Variants in SH3D19 observed in about 807,000 individuals in gnomAD.
SH3D19 encodes the protein SH3 domain containing 19.
A neutral mutation model predicts 112.1 loss-of-function variants in SH3D19; 58 were observed. The ratio of observed to expected loss-of-function variants is 0.52; its 90% CI spans 0.42 to 0.64. SH3D19 has a LOEUF of 0.64. Among genes scored for constraint, SH3D19 ranks in the 30% least tolerant of loss-of-function variants. SH3D19 has a pLI of 0.00. For synonymous variants in SH3D19, 391 were observed against 448.5 expected (o/e 0.87, Z 1.62); for missense variants, 1,090 against 1,263.4 (o/e 0.86, Z 2.08).
At chr4:151,205,754 T>C (rs1765012081) in intron 2 of SH3D19, among the ~76,000 whole-genome samples, 1 of 152,244 alleles carries the variant, frequency 6.6e-6, no homozygotes. Flanking sequence ...CTAATTGACC[T>C]ACACTAATGG....
intron 19 of SH3D19, among the ~76,000 whole-genome samples, chr4:151,125,504 A>AAG (rs1749048436): frequency 6.6e-6 from 1 of 151,114 alleles, no homozygotes; most frequent in Non-Finnish European, 1.5e-5. Context: ...AAAAAAAAAA[A>AAG]AAAGAAAGAA....
In SH3D19 at chr4:151,241,921, C is replaced by G. The variant is rs544063568; in HGVS notation, c.113-15835G>C. On this transcript the variant is annotated intron_variant, in intron 1 of 19. Transcript: ENST00000604030. The stretch of plus-strand genomic sequence containing the variant: ...TAAAGTTCATATTTTGGCCAGTGTC[C>G]GTGGCTCATGCCTGTAATCCCAGCA... 1.7e-4 allele frequency among the ~76,000 whole-genome samples: 26 copies of G among 149,890 alleles called. 1 individual carries two copies. The highest frequency in any genetic ancestry group is 5.8e-4 in the African/African-American group (23 of 39,520).
At chr4:151,315,953 TA>T (rs1729940842) in intron 1 of SH3D19, among the ~76,000 whole-genome samples, 1 of 152,188 alleles carries the variant, frequency 6.6e-6, no homozygotes. Context: ...GAAAAAGGCT[TA>T]ACTTTTTAAA....
At chr4:151,199,915 G>A (rs1358897079) in intron 2 of SH3D19, among the ~76,000 whole-genome samples, 1 of 152,092 alleles carries the variant, frequency 6.6e-6, no homozygotes, top group African/African-American at 2.4e-5. Context: ...AATCTCCAAG[G>A]TTTTGGTACC....
At position 151,308,424 on chromosome 4, in the gene SH3D19, C is replaced by T. The variant is rs77701824; in HGVS notation, c.112+16817G>A. Reference sequence around the variant, plus strand: ...GAAACCTTAAGGTACCCCCCACAGGCCCTAGGTCCCATCAGACAAAAGCAA... The same window carrying T: ...GAAACCTTAAGGTACCCCCCACAGGTCCTAGGTCCCATCAGACAAAAGCAA... On this transcript the variant is annotated intron_variant, in intron 1 of 19. Transcript: ENST00000604030. Among the ~76,000 whole-genome samples the T allele has an allele frequency of 4.2e-3, 643 of 152,338 alleles. 4 individuals carry two copies. The highest frequency in any genetic ancestry group is 0.013 in the African/African-American group (561 of 41,586).
intron 12 of SH3D19, among the ~76,000 whole-genome samples, chr4:151,143,403 C>T (rs1175319186): frequency 6.6e-6 from 1 of 152,010 alleles, no homozygotes; most frequent in Non-Finnish European, 1.5e-5. Flanking sequence ...GGAGAACTTG[C>T]CCCGTGGGAG....
chr4:151,155,516 A>T (rs1167872211), intron 9 of SH3D19, among the ~76,000 whole-genome samples: 4 of 151,702 alleles, frequency 2.6e-5, no homozygotes, highest in Non-Finnish European at 5.9e-5. Context: ...TTGAACTGAA[A>T]ATTTGGTTCA....
intron 1 of SH3D19, chr4:151,283,004 C>A: frequency 1.2e-6 from 1 of 812,938 alleles, no homozygotes; most frequent in Non-Finnish European, 2.0e-6. Context: ...ATTGGAAAGG[C>A]ATTGTAAGCT....
At chr4:151,122,914 C>T (rs1445149314) in intron 19 of SH3D19, among the ~76,000 whole-genome samples, 2 of 146,492 alleles carry the variant, frequency 1.4e-5, no homozygotes, top group Non-Finnish European at 3.0e-5. Flanking sequence ...TGCAATGGTG[C>T]AATCTCGGCT....
In SH3D19 at chr4:151,122,053, T is replaced by G; in HGVS notation, c.*38A>C. 1 of 1,018,542 alleles carries G rather than the reference T, an allele frequency of 9.8e-7. No individual in the cohort carries two copies. The highest frequency in any genetic ancestry group is 1.5e-6 in the Non-Finnish European group (1 of 651,814). 63.1% of individuals were successfully genotyped at this position (1,018,542 alleles called of 1,614,324 possible). Reference sequence around the variant, plus strand: ...CTGATAGTCAAGGTGATAGTTCAAGTGAGTTCTTGTGCCAAGGAACACAGA... The same window carrying G: ...CTGATAGTCAAGGTGATAGTTCAAGGGAGTTCTTGTGCCAAGGAACACAGA... On this transcript the variant is annotated 3_prime_UTR_variant, in exon 20 of 20. Coordinates refer to ENST00000604030, the MANE Select transcript of SH3D19 (RefSeq NM_001378122.1).
chr4:151,315,772 C>G (rs1729920540), intron 1 of SH3D19, among the ~76,000 whole-genome samples: 1 of 151,700 alleles, frequency 6.6e-6, no homozygotes. Flanking sequence ...AACAACACAG[C>G]AAGACCCCAT....
chr4:151,252,704 C>T (rs1771511242), intron 1 of SH3D19, among the ~76,000 whole-genome samples: 1 of 152,222 alleles, frequency 6.6e-6, no homozygotes, highest in Non-Finnish European at 1.5e-5. Context: ...TGGACATCTC[C>T]AGCTAGACAT....
At chr4:151,319,058 A>C (rs1434446051) in intron 1 of SH3D19, among the ~76,000 whole-genome samples, 1 of 151,992 alleles carries the variant, frequency 6.6e-6, no homozygotes, top group African/African-American at 2.4e-5. Context: ...CAGGTCTTTT[A>C]TTTCTTTTTG....
At chr4:151,140,063 A>T in intron 12 of SH3D19, 1 of 483,324 alleles carries the variant, frequency 2.1e-6, no homozygotes, top group Non-Finnish European at 3.7e-6. Context: ...AATCTCAATT[A>T]AAATATCCCC....
At chr4:151,198,749 TA>T (rs1383855739) in intron 2 of SH3D19, among the ~76,000 whole-genome samples, 2 of 152,130 alleles carry the variant, frequency 1.3e-5, no homozygotes, top group East Asian at 3.9e-4. Context: ...AATTACCAAT[TA>T]AAAAAACATT....
At chr4:151,282,325 G>A in intron 1 of SH3D19, 1 of 1,613,918 alleles carries the variant, frequency 6.2e-7, no homozygotes, top group East Asian at 2.2e-5. Flanking sequence ...CTGCCATCCT[G>A]CCTATTTGCT....
chr4:151,279,678 G>C, intron 1 of SH3D19: 1 of 887,106 alleles, frequency 1.1e-6, no homozygotes, highest in Non-Finnish European at 1.7e-6. Context: ...ATGGAGTATG[G>C]TGTCTAGGGA....
intron 1 of SH3D19, among the ~76,000 whole-genome samples, chr4:151,247,542 T>C (rs747024145): frequency 6.6e-6 from 1 of 152,218 alleles, no homozygotes; most frequent in African/African-American, 2.4e-5. Context: ...TTTACCTGCT[T>C]GAAATGTACA....
intron 1 of SH3D19, among the ~76,000 whole-genome samples, chr4:151,280,256 G>A (rs1774086631): frequency 6.6e-6 from 1 of 152,162 alleles, no homozygotes; most frequent in Non-Finnish European, 1.5e-5. Flanking sequence ...TGAGCTCTAA[G>A]AGCCACTGCT....
Sources: allele counts gnomAD v4.1 joint callset (sites outside exome capture counted in the v4.1 genomes callset), GRCh38; gene constraint gnomAD v4.1.1; transcripts MANE v1.5; gene names NCBI Gene and HGNC (gene_info 2026-07-23, HGNC 2026-07-21).